CFAP251: variants seen among roughly 807,000 people sequenced by gnomAD.
The protein encoded by CFAP251 is cilia- and flagella-associated protein 251.
In CFAP251, 93 loss-of-function variants were observed where a neutral mutation model predicts 126.7. The observed-to-expected ratio is 0.73, with a 90% CI of 0.62 to 0.87. The LOEUF is 0.87. Among genes scored for constraint, CFAP251 ranks in the 40% least tolerant of loss-of-function variants. The pLI is 0.00. For synonymous variants in CFAP251, 503 were observed against 506.9 expected (o/e 0.99, Z 0.10); for missense variants, 1,287 against 1,389.2 (o/e 0.93, Z 1.17).
intron 20 of CFAP251, among the ~76,000 whole-genome samples, chr12:122,000,678 G>A (rs1052537614): frequency 1.4e-4 from 21 of 152,148 alleles, no homozygotes; most frequent in Non-Finnish European, 2.8e-4. Flanking sequence ...TTGTACATGA[G>A]GATGTCAAGT....
intron 5 of CFAP251, among the ~76,000 whole-genome samples, chr12:121,936,331 C>G (rs1360005271): frequency 6.6e-6 from 1 of 152,154 alleles, no homozygotes; most frequent in Admixed American, 6.5e-5. Flanking sequence ...CCTGTAGTCC[C>G]AGCTACGCGG....
At chr12:121,946,045 A>G (rs1881316019) in intron 7 of CFAP251, among the ~76,000 whole-genome samples, 1 of 152,214 alleles carries the variant, frequency 6.6e-6, no homozygotes, top group Admixed American at 6.5e-5. Flanking sequence ...TCAGAATAAC[A>G]TTAAAATTCC....
intron 15 of CFAP251, among the ~76,000 whole-genome samples, chr12:121,962,494 G>T (rs1881974180): frequency 6.6e-6 from 1 of 152,012 alleles, no homozygotes; most frequent in Non-Finnish European, 1.5e-5. Flanking sequence ...CTTACTCTTG[G>T]GTCTCAAAGG....
Position 121,923,938 on chromosome 12 carries a change from C to T in CFAP251, c.695C>T (p.Thr232Ile). 1 of 1,613,914 alleles carries T rather than the reference C, an allele frequency of 6.2e-7. No individual in the cohort carries two copies. The highest frequency in any genetic ancestry group is 8.5e-7 in the Non-Finnish European group (1 of 1,179,986). Reference sequence around the variant, plus strand: ...TCCCGGGAGTCACTGGTGTCCAGCACCACAGAGGACATTCTGTTTCAAAAG... The same window carrying T: ...TCCCGGGAGTCACTGGTGTCCAGCATCACAGAGGACATTCTGTTTCAAAAG... ...GISRESLVSS[T>I]TEDILFQKDK... Residue 232 changes from threonine (T) to isoleucine (I), a missense_variant, in exon 3 of 22, where the codon ACC (threonine) becomes ATC (isoleucine). Physicochemically the swap from Thr to Ile is moderately conservative, Grantham distance 89. Transcript: ENST00000288912.
At chr12:121,929,319 CAAAAA>C (rs907807088) in intron 3 of CFAP251, among the ~76,000 whole-genome samples, 1 of 68,950 alleles carries the variant, frequency 1.5e-5, no homozygotes. Context: ...GACTCCATCT[CAAAAA>C]AAAAAAAAAA....
intron 5 of CFAP251, among the ~76,000 whole-genome samples, chr12:121,935,434 CATT>C (rs1331752029): frequency 6.6e-6 from 1 of 152,228 alleles, no homozygotes; most frequent in Non-Finnish European, 1.5e-5. Context: ...AATATTGACA[CATT>C]ATTATTAACA....
At chr12:121,958,561 GA>G (rs771320872) in intron 12 of CFAP251, 39 bp downstream of exon 12, 2 of 1,610,904 alleles carry the variant, frequency 1.2e-6, no homozygotes, top group Middle Eastern at 1.7e-4. Flanking sequence ...GTTCCACATG[GA>G]CAGCCCTGAA....
Position 121,958,396 on chromosome 12 carries a change from C to T in CFAP251, c.1855C>T (p.Pro619Ser), listed in dbSNP as rs1350054287. 3.1e-6 allele frequency: 5 copies of T among 1,614,248 alleles called. No homozygotes were observed. The highest frequency in any genetic ancestry group is 4.2e-6 in the Non-Finnish European group (5 of 1,180,046). The change falls in exon 12 of 22, where the codon CCC (proline) becomes TCC (serine). Residue 619 changes from proline to serine, a missense_variant. Coordinates refer to ENST00000288912, the MANE Select transcript of CFAP251 (RefSeq NM_144668.6). Reference protein sequence around the residue: ...ICAISCHPYQPLIAIGSICGM... With the variant: ...ICAISCHPYQSLIAIGSICGM... ...TGCCATCTCCTGCCACCCATATCAA[C>T]CCCTCATTGCCATCGGGAGCATCTG...
intron 17 of CFAP251, chr12:121,969,291 A>G: frequency 1.0e-6 from 1 of 985,458 alleles, no homozygotes; most frequent in Non-Finnish European, 1.2e-6. Flanking sequence ...TTGCACTTGC[A>G]GCTCTGACTT....
rs200006803 is a variant in CFAP251 at position 121,923,889 on chromosome 12, G to C, written c.646G>C (p.Asp216His). Reference sequence around the variant, plus strand: ...GGAGGGACAAGAAAGGAGAGTATCCGACATCCAGTCCAAAGCAGGGATCTC... The same window carrying C: ...GGAGGGACAAGAAAGGAGAGTATCCCACATCCAGTCCAAAGCAGGGATCTC... Reference protein sequence around the residue: ...REEGQERRVSDIQSKAGISRE... With the variant: ...REEGQERRVSHIQSKAGISRE... The change falls in exon 3 of 22, where the codon GAC becomes CAC. Residue 216 changes from aspartate to histidine, a missense_variant. Transcript: ENST00000288912. 3.7e-6 allele frequency: 6 copies of C among 1,614,086 alleles called. No homozygotes were observed. Among genetic ancestry groups the C allele is most frequent in the Non-Finnish European group, 5.1e-6 (6 of 1,180,018 alleles).
At chr12:121,934,951 C>T (rs937811977) in intron 5 of CFAP251, among the ~76,000 whole-genome samples, 2 of 152,228 alleles carry the variant, frequency 1.3e-5, no homozygotes, top group Admixed American at 6.5e-5. Flanking sequence ...GGACCACAGG[C>T]GCATGCAACC....
chr12:121,951,394 G>T, intron 8 of CFAP251, 86 bp from the exon 9 acceptor site: 1 of 874,564 alleles, frequency 1.1e-6, no homozygotes, highest in Non-Finnish European at 1.8e-6. Flanking sequence ...TTGTTTAGAT[G>T]TATTTGTTTT....
At chr12:121,996,295 A>G (rs937141932) in intron 19 of CFAP251, among the ~76,000 whole-genome samples, 26 of 152,194 alleles carry the variant, frequency 1.7e-4, no homozygotes, top group African/African-American at 6.0e-4. Flanking sequence ...TTTCTTTGTA[A>G]AATTCCAAAC....
chr12:121,975,671 C>T lies in CFAP251; in HGVS notation c.2992C>T (p.Pro998Ser). ...PFVMRAIGFY[P>S]SEEKIDDIFN... ...TGTCATGAGAGCAATTGGCTTTTAC[C>T]CATCTGAAGAGAAGGTAGGGAGAAC... The change falls in exon 19 of 22, where the codon CCA becomes TCA. Residue 998 changes from proline to serine, a missense_variant. Transcript: ENST00000288912. The T allele has an allele frequency of 6.3e-7, 1 of 1,578,466 alleles. No individual in the cohort carries two copies. Among genetic ancestry groups the T allele is most frequent in the Non-Finnish European group, 8.6e-7 (1 of 1,167,366 alleles).
intron 19 of CFAP251, among the ~76,000 whole-genome samples, chr12:121,994,583 A>C (rs1183669005): frequency 6.4e-5 from 2 of 31,352 alleles, no homozygotes; most frequent in African/African-American, 2.8e-4. Flanking sequence ...AGAAGTAGAC[A>C]TGGGAGACTT....
At chr12:121,940,639 C>G (rs1404757514) in intron 5 of CFAP251, among the ~76,000 whole-genome samples, 1 of 152,200 alleles carries the variant, frequency 6.6e-6, no homozygotes, top group African/African-American at 2.4e-5. Flanking sequence ...CTCCCCCAAC[C>G]CAACCATTAC....
At position 121,984,362 on chromosome 12, in the gene CFAP251, A is replaced by G. The variant is rs552951994; in HGVS notation, c.3006+8677A>G. ...TCCCAGGCTGGAGTGCAGTGGCTCA[A>G]TTTCAGCTCACTGCACTCACTGCAA... On this transcript the variant is annotated intron_variant, in intron 19 of 21. Coordinates refer to ENST00000288912, the MANE Select transcript of CFAP251 (RefSeq NM_144668.6). 9.0e-4 allele frequency among the ~76,000 whole-genome samples: 137 copies of G among 152,170 alleles called. 3 individuals carry two copies. Among genetic ancestry groups the G allele is most frequent in the South Asian group, 1.9e-3 (9 of 4,826 alleles).
At chr12:121,933,650 C>T (rs1177414222) in intron 4 of CFAP251, 1 of 152,352 alleles carries the variant, frequency 6.6e-6, no homozygotes, top group Non-Finnish European at 1.5e-5. Flanking sequence ...AGACCCTTGT[C>T]TCTACAAAAA....
At chr12:121,970,686 G>C (rs897462065) in intron 17 of CFAP251, among the ~76,000 whole-genome samples, 2 of 152,198 alleles carry the variant, frequency 1.3e-5, no homozygotes, top group Non-Finnish European at 2.9e-5. Flanking sequence ...CACAATTTAG[G>C]CAAAAGGGAA....
Sources: gnomAD v4.1 joint callset for allele counts (sites outside exome capture counted in the v4.1 genomes callset) on GRCh38, gnomAD v4.1.1 for gene constraint, MANE v1.5 for transcripts, NCBI Gene and HGNC (gene_info 2026-07-23, HGNC 2026-07-21) for gene names.